EYS: variants seen among roughly 807,000 people sequenced by gnomAD.
The protein encoded by EYS is protein eyes shut homolog.
A neutral mutation model predicts 282.1 loss-of-function variants in EYS; 250 were observed. The observed-to-expected ratio is 0.89, with a 90% confidence interval of 0.80 to 0.98. EYS has a LOEUF of 0.98. EYS is among the 50% of genes least tolerant of loss of function. EYS has a pLI of 0.00. For synonymous variants in EYS, 1,355 were observed against 1,282.9 expected (o/e 1.06, Z -1.20); for missense variants, 4,016 against 3,709.0 (o/e 1.08, Z -2.15).
At chr6:64,161,241 G>T (rs1436470301) in intron 31 of EYS, among the ~76,000 whole-genome samples, 1 of 152,252 alleles carries the variant, frequency 6.6e-6, no homozygotes, top group Admixed American at 6.5e-5. Context: ...TGCTGGGTGA[G>T]GTGACAGACC....
intron 22 of EYS, among the ~76,000 whole-genome samples, chr6:64,736,138 C>A (rs1020843122): frequency 2.3e-4 from 35 of 152,152 alleles, no homozygotes; most frequent in African/African-American, 7.9e-4. Context: ...AGTAAATTCA[C>A]TGAAAATATA....
chr6:63,901,563 C>G (rs1368813247), intron 35 of EYS, among the ~76,000 whole-genome samples: 2 of 152,182 alleles, frequency 1.3e-5, no homozygotes, highest in Non-Finnish European at 2.9e-5. Context: ...TTATCTACAA[C>G]TAGACATACA....
rs570145555 is a variant in EYS, at chr6:64,448,488, C to T, written c.5645-9136G>A. Among the ~76,000 whole-genome samples, 20 of 151,944 alleles carry T rather than the reference C, an allele frequency of 1.3e-4. No homozygotes were observed. In the East Asian group the frequency reaches 3.7e-3, roughly 28 times the overall value. ...CTCTGCAGACTTAAATGTCCCTGTC[C>T]GATAGCTTTGAAGAGAGTAGTGGTT... On this transcript the variant is annotated intron_variant, in intron 26 of 42. Transcript: ENST00000503581.
At chr6:65,206,571 C>T (rs562006548) in intron 12 of EYS, among the ~76,000 whole-genome samples, 5 of 151,754 alleles carry the variant, frequency 3.3e-5, no homozygotes, top group African/African-American at 1.2e-4. Context: ...CATGCAATGA[C>T]AACACCAAAA....
At chr6:65,144,797 G>A (rs1321187857) in intron 12 of EYS, among the ~76,000 whole-genome samples, 1 of 150,094 alleles carries the variant, frequency 6.7e-6, no homozygotes, top group East Asian at 2.0e-4. Flanking sequence ...TGGAGTCTCT[G>A]TCACCCAGGC....
intron 12 of EYS, among the ~76,000 whole-genome samples, chr6:65,220,475 C>A (rs971279522): frequency 6.6e-5 from 10 of 152,108 alleles, no homozygotes; most frequent in African/African-American, 1.7e-4. Flanking sequence ...TGCTCTCCTG[C>A]CTGTCACCAT....
intron 5 of EYS, among the ~76,000 whole-genome samples, chr6:65,429,126 G>T (rs1474254079): frequency 6.6e-6 from 1 of 151,832 alleles, no homozygotes; most frequent in South Asian, 2.1e-4. Flanking sequence ...GTTGTAGTGA[G>T]TGGAGATGCA....
chr6:64,706,531 A>C (rs1284984783), intron 22 of EYS, among the ~76,000 whole-genome samples: 3 of 152,208 alleles, frequency 2.0e-5, no homozygotes, highest in African/African-American at 7.2e-5. Context: ...GACAACTCAC[A>C]GAATGGGAGA....
intron 34 of EYS, 60 bp from the exon 35 acceptor site, chr6:63,984,663 T>G: frequency 7.8e-7 from 1 of 1,276,662 alleles, no homozygotes; most frequent in South Asian, 1.3e-5. Flanking sequence ...GTGGAAAAGA[T>G]GTAGGATGTT....
intron 22 of EYS, among the ~76,000 whole-genome samples, chr6:64,685,190 C>T (rs1019090507): frequency 1.3e-5 from 2 of 151,988 alleles, no homozygotes; most frequent in African/African-American, 2.4e-5. Context: ...AAGGGGATTT[C>T]ATAATGGCAA....
rs145325580 is a variant in EYS at position 64,846,614 on chromosome 6, T to A, written c.2993-23792A>T. On this transcript the variant is annotated intron_variant, in intron 19 of 42. Coordinates refer to ENST00000503581, the MANE Select transcript of EYS (RefSeq NM_001142800.2). ...TTCTCAAAAGACATACAAAGCCATT[T>A]CTTAGCTTTACTTTCAGCTATCTGT... 4.3e-4 allele frequency among the ~76,000 whole-genome samples: 66 copies of A among 152,218 alleles called. 1 individual carries two copies. The East Asian group carries it at 8.7e-3, about 20-fold the overall frequency.
chr6:64,582,096 A>G (rs1667452479), intron 26 of EYS, among the ~76,000 whole-genome samples: 1 of 152,184 alleles, frequency 6.6e-6, no homozygotes. Flanking sequence ...TGGGCTTGCT[A>G]TGTGTGACAC....
At chr6:64,911,006 T>C (rs1389288427) in intron 16 of EYS, among the ~76,000 whole-genome samples, 1 of 151,996 alleles carries the variant, frequency 6.6e-6, no homozygotes, top group East Asian at 1.9e-4. Flanking sequence ...CTTAGCCTAC[T>C]TATACTCTCA....
intron 25 of EYS, among the ~76,000 whole-genome samples, chr6:64,592,363 C>A (rs1370622402): frequency 6.6e-6 from 1 of 152,132 alleles, no homozygotes; most frequent in African/African-American, 2.4e-5. Flanking sequence ...GTTAGAAATA[C>A]CGTTTTACTT....
At chr6:64,453,056 A>T (rs1223529740) in intron 26 of EYS, among the ~76,000 whole-genome samples, 3 of 152,198 alleles carry the variant, frequency 2.0e-5, no homozygotes, top group African/African-American at 7.2e-5. Context: ...AGAAACCACC[A>T]TCAGAGTGAA....
In EYS at chr6:63,866,091, G is replaced by C. The variant is rs1037424044; in HGVS notation, c.7056-1733C>G. Among the ~76,000 whole-genome samples the C allele has an allele frequency of 3.9e-5, 6 of 152,142 alleles. No homozygotes were observed. In the East Asian group the frequency reaches 9.6e-4, roughly 24 times the overall value. ...ATTATATATCGATGCCCCTAAGATG[G>C]TTATAAAGTATCCTGAGCAAGATTT... On this transcript the variant is annotated intron_variant, in intron 35 of 42. Coordinates refer to ENST00000503581, the MANE Select transcript of EYS (RefSeq NM_001142800.2).
At chr6:64,335,121 A>G (rs562021091) in intron 29 of EYS, among the ~76,000 whole-genome samples, 10 of 152,228 alleles carry the variant, frequency 6.6e-5, no homozygotes, top group Non-Finnish European at 1.3e-4. Context: ...CTCTTTACTA[A>G]TCTACATTTG....
At chr6:64,656,992 T>A in intron 22 of EYS, among the ~76,000 whole-genome samples, 1 of 152,136 alleles carries the variant, frequency 6.6e-6, no homozygotes. Flanking sequence ...GGAGTCTAAG[T>A]CTCTTTCTAG....
intron 19 of EYS, among the ~76,000 whole-genome samples, chr6:64,848,648 A>C (rs1007853782): frequency 2.6e-5 from 4 of 152,108 alleles, no homozygotes; most frequent in African/African-American, 9.6e-5. Flanking sequence ...TGAAGGATAA[A>C]TGTCTTAGTT....
Sources: gnomAD v4.1 joint callset for allele counts (sites outside exome capture counted in the v4.1 genomes callset) on GRCh38, gnomAD v4.1.1 for gene constraint, MANE v1.5 for transcripts, NCBI Gene and HGNC (gene_info 2026-07-23, HGNC 2026-07-21) for gene names.